SLC25A30: variants seen among roughly 807,000 people sequenced by gnomAD.
SLC25A30 encodes the protein solute carrier family 25 member 30, also known as kidney mitochondrial carrier protein 1.
Under a neutral mutation model 42.7 loss-of-function variants are expected in SLC25A30, and 29 were observed. The ratio of observed to expected loss-of-function variants is 0.68; its 90% confidence interval spans 0.51 to 0.93. The LOEUF is 0.93. SLC25A30 is among the 40% of genes least tolerant of loss of function. The probability of loss-of-function intolerance (pLI) is 0.00; values close to 1 mark genes in which losing one functional copy is unlikely to be tolerated. For missense variants in SLC25A30, 300 were observed against 359.7 expected, an observed-to-expected ratio of 0.83 and a Z score of 1.34; for synonymous variants, 124 against 131.0, an observed-to-expected ratio of 0.95 and a Z score of 0.37.
In SLC25A30 at chr13:45,394,641, G is replaced by A. The variant is rs1296319532; in HGVS notation, c.*1333C>T. The A allele has an allele frequency of 1.0e-6, 1 of 985,242 alleles. No homozygotes were observed. The highest frequency in any genetic ancestry group is 5.2e-4 in the Middle Eastern group (1 of 1,914). 61.0% of individuals were successfully genotyped at this position (985,242 alleles called of 1,614,324 possible). On this transcript the variant is annotated 3_prime_UTR_variant, in exon 10 of 10. Coordinates refer to ENST00000519676, the MANE Select transcript of SLC25A30 (RefSeq NM_001010875.4). ...GAAAAGACTAAGATGAAGACAAGAAGGAAGAGGGCTCTTTCTCTGAAGCAG... is the reference window on the plus strand; with the variant it reads ...GAAAAGACTAAGATGAAGACAAGAAAGAAGAGGGCTCTTTCTCTGAAGCAG...
upstream of SLC25A30, among the ~76,000 whole-genome samples, chr13:45,419,878 C>T (rs564259658): frequency 1.4e-5 from 2 of 146,858 alleles, no homozygotes; most frequent in South Asian, 4.2e-4. Flanking sequence ...TGAGGTGAGC[C>T]GAGATCACGC....
At chr13:45,425,595 TAC>T in the SLC25A30 span, among the ~76,000 whole-genome samples, 14 of 49,546 alleles carry the variant, frequency 2.8e-4, no homozygotes, top group South Asian at 7.3e-4. Context: ...AATATATATA[TAC>T]ATATATATAT....
the SLC25A30 span, among the ~76,000 whole-genome samples, chr13:45,430,746 G>T: frequency 6.6e-6 from 1 of 152,270 alleles, no homozygotes. Flanking sequence ...GGTAGAGGTT[G>T]CAGTGAGCCC....
At chr13:45,415,162 C>T (rs1368372450) in intron 1 of SLC25A30, among the ~76,000 whole-genome samples, 1 of 152,146 alleles carries the variant, frequency 6.6e-6, no homozygotes, top group Non-Finnish European at 1.5e-5. Flanking sequence ...TGCTGTTAGG[C>T]ATTGCTATAC....
upstream of SLC25A30, chr13:45,418,577 T>TGAG (rs10661035): frequency 0.56 from 85,157 of 151,542 alleles, 24,811 homozygotes; most frequent in African/African-American, 0.69. Context: ...TGCCGCTGCC[T>TGAG]GAGGGAGCTG....
At chr13:45,430,167 CAA>C in the SLC25A30 span, among the ~76,000 whole-genome samples, 10 of 151,752 alleles carry the variant, frequency 6.6e-5, no homozygotes, top group African/African-American at 2.4e-4. Context: ...ATAACATTTA[CAA>C]AGTCAGAGTA....
chr13:45,405,275 T>C (rs1048735569), intron 4 of SLC25A30, among the ~76,000 whole-genome samples: 3 of 152,268 alleles, frequency 2.0e-5, no homozygotes, highest in African/African-American at 7.2e-5. Flanking sequence ...AGATGAGCTA[T>C]ATCTGTTAGG....
chr13:45,402,521 C>G (rs1242184325), intron 5 of SLC25A30, 151 bp from the exon 6 acceptor site: 1 of 671,578 alleles, frequency 1.5e-6, no homozygotes, highest in African/African-American at 1.8e-5. Context: ...TATGATGCTA[C>G]CTTAAAATGA....
rs373997271 is a variant in SLC25A30, at chr13:45,407,868, G to A, written c.212+1059C>T. Among the ~76,000 whole-genome samples, 8 of 152,270 alleles carry A rather than the reference G, an allele frequency of 5.3e-5. No individual in the cohort carries two copies. The East Asian group carries it at 1.2e-3, about 22-fold the overall frequency. On this transcript the variant is annotated intron_variant, in intron 3 of 9. Transcript: ENST00000519676. Reference sequence around the variant, plus strand: ...GTATGGAAACCTCATATTAGGTCACGTAGTGCTATCAGTCCTACACCCTAA... The same window carrying A: ...GTATGGAAACCTCATATTAGGTCACATAGTGCTATCAGTCCTACACCCTAA...
At chr13:45,430,517 A>C in the SLC25A30 span, among the ~76,000 whole-genome samples, 1 of 152,076 alleles carries the variant, frequency 6.6e-6, no homozygotes, top group Non-Finnish European at 1.5e-5. Flanking sequence ...TATTTTTAAG[A>C]ATATGGGGCC....
intron 6 of SLC25A30, 36 bp downstream of exon 6, chr13:45,402,239 C>T: frequency 6.7e-7 from 1 of 1,498,954 alleles, no homozygotes; most frequent in Middle Eastern, 1.7e-4. Context: ...GAAAAAAGAA[C>T]TAAATAAATC....
chr13:45,394,477 C>G lies in SLC25A30; in HGVS notation c.*1497G>C. The G allele has an allele frequency of 1.0e-6, 1 of 985,360 alleles. No homozygotes were observed. Among genetic ancestry groups the G allele is most frequent in the Non-Finnish European group, 1.2e-6 (1 of 829,944 alleles). 61.0% of individuals were successfully genotyped at this position (985,360 alleles called of 1,614,324 possible). On this transcript the variant is annotated 3_prime_UTR_variant, in exon 10 of 10. Transcript: ENST00000519676. ...GCCGCACTACTGTGGAAGGAGAATG[C>G]CCTGGAGCCCCAGCTAACATGTATT...
chr13:45,404,404 G>C lies in SLC25A30; in HGVS notation c.316C>G (p.Leu106Val). The C allele has an allele frequency of 6.2e-7, 1 of 1,610,836 alleles. No individual in the cohort carries two copies. Among genetic ancestry groups the C allele is most frequent in the Non-Finnish European group, 8.5e-7 (1 of 1,177,126 alleles). The change falls in exon 5 of 10, where the codon CTA becomes GTA. Residue 106 changes from leucine to valine, a missense_variant. By Grantham distance (32) the Leu-to-Val change is conservative (BLOSUM62 1). Transcript: ENST00000519676. Reference sequence around the variant, plus strand: ...ATTCCACATATCACATTTATCGGTAGAGTTTCATCTGTAAACAATGACACA... The same window carrying C: ...ATTCCACATATCACATTTATCGGTACAGTTTCATCTGTAAACAATGACACA... ...LFIERPEDET[L>V]PINVICGILS...
At chr13:45,425,723 C>T in the SLC25A30 span, among the ~76,000 whole-genome samples, 8 of 138,846 alleles carry the variant, frequency 5.8e-5, no homozygotes, top group East Asian at 6.0e-4. Context: ...GACTGAGTCT[C>T]GCTGTATCCC....
At chr13:45,408,846 G>A (rs1882747760) in intron 3 of SLC25A30, 81 bp downstream of exon 3, 2 of 1,261,558 alleles carry the variant, frequency 1.6e-6, no homozygotes, top group Non-Finnish European at 2.1e-6. Flanking sequence ...TTTTACTTGT[G>A]ATCTGTGCAG....
the SLC25A30 span, among the ~76,000 whole-genome samples, chr13:45,425,437 T>A: frequency 1.8e-5 from 2 of 110,788 alleles, no homozygotes; most frequent in Non-Finnish European, 3.4e-5. Context: ...TAAATATATG[T>A]ATATATAAAT....
At chr13:45,423,693 T>TATATAA in the SLC25A30 span, among the ~76,000 whole-genome samples, 181 of 15,868 alleles carry the variant, frequency 0.011, 59 homozygotes, top group African/African-American at 0.092. Context: ...TAAATATATA[T>TATATAA]AAATATATAA....
At chr13:45,417,368 A>T (rs529992000) in intron 1 of SLC25A30, among the ~76,000 whole-genome samples, 2 of 152,212 alleles carry the variant, frequency 1.3e-5, no homozygotes, top group Admixed American at 1.3e-4. Context: ...TTCCCTTTTT[A>T]GTCTTAAGTC....
At chr13:45,423,244 C>T (rs570730611), upstream of SLC25A30, among the ~76,000 whole-genome samples, 5 of 151,792 alleles carry the variant, frequency 3.3e-5, no homozygotes, top group Non-Finnish European at 4.4e-5. Context: ...TTGATATTAC[C>T]ACAGTTGTAA....
Sources: gnomAD v4.1 joint callset for allele counts (sites outside exome capture counted in the v4.1 genomes callset) on GRCh38, gnomAD v4.1.1 for gene constraint, MANE v1.5 for transcripts, NCBI Gene and HGNC (gene_info 2026-07-23, HGNC 2026-07-21) for gene names.